GPC5: variants seen among roughly 807,000 people sequenced by gnomAD.
GPC5 encodes the protein glypican 5.
GPC5 carries 47 observed loss-of-function variants against 53.9 expected under a neutral mutation model. The ratio of observed to expected loss-of-function variants is 0.87; its 90% CI spans 0.69 to 1.11. The LOEUF (loss-of-function observed/expected upper bound fraction) is 1.11. Ranked by LOEUF, GPC5 falls within the 50% of genes most tolerant of loss-of-function variation. The probability of loss-of-function intolerance (pLI) is 0.00; values close to 1 mark genes in which losing one functional copy is unlikely to be tolerated. For missense variants in GPC5, 748 were observed against 713.1 expected, an observed-to-expected ratio of 1.05 and a Z score of -0.56; for synonymous variants, 286 against 263.3, an observed-to-expected ratio of 1.09 and a Z score of -0.84.
chr13:92,751,302 T>TAAAAAAAAAAAAAAAAAAAA lies in GPC5; in HGVS notation c.1562-114980_1562-114979insAAAAAAAAAAAAAAAAAAAA, dbSNP rs1566400471. On this transcript the variant is annotated intron_variant, in intron 7 of 7. Coordinates refer to ENST00000377067, the MANE Select transcript of GPC5 (RefSeq NM_004466.6). ...AAAACCTTTGGTCATCCAGAAACAT[T>TAAAAAAAAAAAAAAAAAAAA]TAAAAAAAAAAAAAAAAAAAAAAAA... Among the ~76,000 whole-genome samples the TAAAAAAAAAAAAAAAAAAAA allele has an allele frequency of 2.9e-3, 99 of 34,408 alleles. 23 individuals are homozygous for TAAAAAAAAAAAAAAAAAAAA. The highest frequency in any genetic ancestry group is 4.9e-3 in the African/African-American group (48 of 9,790). The allele number at this position is 34,408 out of a possible 152,430, so 22.6% of individuals were successfully genotyped here.
chr13:92,333,772 C>CCACAATTTG lies in GPC5; in HGVS notation c.1561+188784_1561+188792dup, dbSNP rs1261074685. 9.2e-5 allele frequency among the ~76,000 whole-genome samples: 14 copies of CCACAATTTG among 151,940 alleles called. 1 individual carries two copies. Among genetic ancestry groups the CCACAATTTG allele is most frequent in the Admixed American group, 6.6e-4 (10 of 15,240 alleles). On this transcript the variant is annotated intron_variant, in intron 7 of 7. Coordinates refer to ENST00000377067, the MANE Select transcript of GPC5 (RefSeq NM_004466.6). ...CAAAAGGCAAAAAAGAGAAACAAAC[C>CCACAATTTG]CACAATTTGAAGAGGCAGAGCAAGC... is the stretch of plus-strand genomic sequence containing the variant.
chr13:92,776,669 T>G (rs1001691328), intron 7 of GPC5, among the ~76,000 whole-genome samples: 7 of 152,204 alleles, frequency 4.6e-5, no homozygotes, highest in African/African-American at 1.7e-4. Flanking sequence ...AGTATTCTTC[T>G]AATTGTGGGG....
intron 7 of GPC5, among the ~76,000 whole-genome samples, chr13:92,307,526 T>C (rs893850083): frequency 6.6e-6 from 1 of 152,378 alleles, no homozygotes; most frequent in South Asian, 2.1e-4. Flanking sequence ...GTTATTCTCA[T>C]ATACTTATAT....
chr13:91,846,108 G>C (rs887325077), intron 5 of GPC5, among the ~76,000 whole-genome samples: 7 of 152,066 alleles, frequency 4.6e-5, no homozygotes, highest in African/African-American at 1.7e-4. Flanking sequence ...AGAAAGAGTT[G>C]TGGGGCTCCC....
intron 7 of GPC5, among the ~76,000 whole-genome samples, chr13:92,193,098 C>T (rs1433505763): frequency 1.3e-5 from 2 of 152,094 alleles, no homozygotes; most frequent in East Asian, 3.9e-4. Context: ...TTGCTTAAAC[C>T]AGGATGCTGG....
At chr13:91,472,174 T>C (rs1235513569) in intron 2 of GPC5, among the ~76,000 whole-genome samples, 1 of 152,210 alleles carries the variant, frequency 6.6e-6, no homozygotes, top group Non-Finnish European at 1.5e-5. Context: ...TAACCATGTG[T>C]ATATCACTTT....
chr13:92,348,457 G>C (rs2043446862), intron 7 of GPC5, among the ~76,000 whole-genome samples: 1 of 152,124 alleles, frequency 6.6e-6, no homozygotes, highest in African/African-American at 2.4e-5. Context: ...TTTTGAGAGA[G>C]AGGGATTGCC....
intron 7 of GPC5, among the ~76,000 whole-genome samples, chr13:92,441,198 A>G (rs1877542867): frequency 1.3e-5 from 2 of 152,176 alleles, no homozygotes; most frequent in Admixed American, 6.5e-5. Flanking sequence ...CAGCCTCCCA[A>G]GTAGCTGGGA....
intron 1 of GPC5, among the ~76,000 whole-genome samples, chr13:91,445,814 A>AAT (rs1880763444): frequency 6.6e-6 from 1 of 152,162 alleles, no homozygotes; most frequent in Admixed American, 6.5e-5. Flanking sequence ...TTTCCCATTT[A>AAT]ATATTTTCAG....
intron 5 of GPC5, among the ~76,000 whole-genome samples, chr13:91,839,585 AAG>A (rs1184833232): frequency 6.6e-6 from 1 of 152,104 alleles, no homozygotes; most frequent in Non-Finnish European, 1.5e-5. Flanking sequence ...ATTGTTCAGA[AAG>A]AGTTTCCTGA....
At chr13:92,428,940 T>A (rs1876962317) in intron 7 of GPC5, among the ~76,000 whole-genome samples, 1 of 152,032 alleles carries the variant, frequency 6.6e-6, no homozygotes, top group African/African-American at 2.4e-5. Flanking sequence ...ATATAATAAA[T>A]CTGTGACGAA....
intron 6 of GPC5, among the ~76,000 whole-genome samples, chr13:92,062,619 T>C (rs2041133979): frequency 6.6e-6 from 1 of 152,036 alleles, no homozygotes; most frequent in Non-Finnish European, 1.5e-5. Context: ...ATATGCATAA[T>C]GGCAGTAAAT....
At chr13:92,059,320 A>G (rs1321160495) in intron 6 of GPC5, among the ~76,000 whole-genome samples, 1 of 151,530 alleles carries the variant, frequency 6.6e-6, no homozygotes, top group Non-Finnish European at 1.5e-5. Context: ...ATAAACAAAA[A>G]GATTCAGAGT....
chr13:91,950,902 C>T (rs58772509), intron 6 of GPC5, among the ~76,000 whole-genome samples: 4,700 of 152,172 alleles, frequency 0.031, 244 homozygotes, highest in African/African-American at 0.11. Flanking sequence ...AGAATTTGAA[C>T]CCAGGGACTA....
intron 6 of GPC5, among the ~76,000 whole-genome samples, chr13:91,921,778 TAAA>T (rs765456378): frequency 1.1e-4 from 12 of 109,866 alleles, no homozygotes; most frequent in East Asian, 3.6e-4. Flanking sequence ...AGACTGCCTT[TAAA>T]AAAAAAAAAG....
At chr13:91,597,335 C>G (rs1393018042) in intron 2 of GPC5, among the ~76,000 whole-genome samples, 1 of 152,112 alleles carries the variant, frequency 6.6e-6, no homozygotes, top group East Asian at 1.9e-4. Flanking sequence ...TCATTTGTGG[C>G]ATAGATTAAC....
At chr13:92,007,897 A>G (rs534740970) in intron 6 of GPC5, among the ~76,000 whole-genome samples, 1 of 152,068 alleles carries the variant, frequency 6.6e-6, no homozygotes, top group Non-Finnish European at 1.5e-5. Flanking sequence ...ACACCTTCAC[A>G]TATGAGGACT....
At chr13:92,559,967 C>T (rs1882642273) in intron 7 of GPC5, among the ~76,000 whole-genome samples, 1 of 151,246 alleles carries the variant, frequency 6.6e-6, no homozygotes, top group South Asian at 2.1e-4. Context: ...AAAATGCAAG[C>T]AGAAGAGGCT....
chr13:92,692,168 G>A (rs1887420275), intron 7 of GPC5, among the ~76,000 whole-genome samples: 1 of 152,092 alleles, frequency 6.6e-6, no homozygotes, highest in Admixed American at 6.5e-5. Flanking sequence ...TAGGATAATG[G>A]TCTCCAGCTA....
Sources: gnomAD v4.1 joint callset for allele counts (sites outside exome capture counted in the v4.1 genomes callset) on GRCh38, gnomAD v4.1.1 for gene constraint, MANE v1.5 for transcripts, NCBI Gene and HGNC (gene_info 2026-07-23, HGNC 2026-07-21) for gene names.